ERCC4: variants seen among roughly 807,000 people sequenced by gnomAD.
ERCC4 encodes ERCC excision repair 4, endonuclease catalytic subunit.
In ERCC4, 65 loss-of-function variants were observed where a neutral mutation model predicts 76.9. The observed-to-expected ratio is 0.84, with a 90% CI of 0.69 to 1.04. The LOEUF (loss-of-function observed/expected upper bound fraction) is 1.04, where lower values mean the gene tolerates loss of function less well. ERCC4 is among the 50% of genes least tolerant of loss of function. ERCC4 has a pLI of 0.00. For missense variants in ERCC4, 1,214 were observed against 1,128.2 expected (o/e 1.08, Z -1.09); for synonymous variants, 463 against 410.1 (o/e 1.13, Z -1.56).
intron 2 of ERCC4, 107 bp downstream of exon 2, chr16:13,922,318 A>C (rs2031993954): frequency 1.2e-6 from 1 of 862,134 alleles, no homozygotes; most frequent in South Asian, 1.4e-5. Flanking sequence ...TTCAGTCTTG[A>C]AGGACTCAGC....
At chr16:13,941,668 A>C (rs970812060) in intron 9 of ERCC4, among the ~76,000 whole-genome samples, 2 of 152,216 alleles carry the variant, frequency 1.3e-5, no homozygotes, top group Non-Finnish European at 2.9e-5. Flanking sequence ...TAAATATCAT[A>C]ATAATTTTAT....
chr16:13,932,207 AG>A lies in ERCC4; in HGVS notation c.1027del (p.Val343PhefsTer9), dbSNP rs1567245992. On this transcript the variant is annotated frameshift_variant, in exon 6 of 11. Coordinates refer to ENST00000311895, the MANE Select transcript of ERCC4 (RefSeq NM_005236.3). LOFTEE classifies it high-confidence loss of function. ...STSMFINARA[R>X]VYHLPDAKMS... ...CTCGATGTTTATAAATGCTCGAGCA[AG>A]GGTTTATCATCTTCCAGATGCCAAA... 1 of 1,613,102 alleles carries A rather than the reference AG, an allele frequency of 6.2e-7. No homozygotes were observed. Among genetic ancestry groups the A allele is most frequent in the Non-Finnish European group, 8.5e-7 (1 of 1,179,080 alleles).
In ERCC4 at chr16:13,952,136, T is replaced by C. The variant is rs1215304918; in HGVS notation, c.*3789T>C. ...ATGGGAGTGAGACATAACTGATTTA[T>C]ATGAATTTTAACAGAGTTGTATTTG... is the stretch of plus-strand genomic sequence containing the variant. On this transcript the variant is annotated 3_prime_UTR_variant, in exon 11 of 11. Coordinates refer to ENST00000311895, the MANE Select transcript of ERCC4 (RefSeq NM_005236.3). The C allele has an allele frequency of 5.3e-6, 1 of 189,670 alleles. No individual in the cohort carries two copies. The highest frequency in any genetic ancestry group is 1.1e-5 in the Non-Finnish European group (1 of 90,498). 11.7% of individuals were successfully genotyped at this position (189,670 alleles called of 1,614,324 possible).
intron 8 of ERCC4, among the ~76,000 whole-genome samples, chr16:13,936,061 A>G (rs930124717): frequency 6.6e-6 from 1 of 152,198 alleles, no homozygotes; most frequent in East Asian, 1.9e-4. Context: ...TAATATTCTA[A>G]TTTCTAACAA....
At chr16:13,946,183 C>T (rs2032509220) in intron 10 of ERCC4, among the ~76,000 whole-genome samples, 1 of 152,228 alleles carries the variant, frequency 6.6e-6, no homozygotes, top group Admixed American at 6.5e-5. Flanking sequence ...TCTGAGAATC[C>T]TTCAGCCTAC....
intron 2 of ERCC4, among the ~76,000 whole-genome samples, chr16:13,924,015 A>G (rs2032027674): frequency 6.6e-6 from 1 of 152,184 alleles, no homozygotes; most frequent in Non-Finnish European, 1.5e-5. Flanking sequence ...AAAAATGCCA[A>G]ATTCCCTCCT....
chr16:13,937,149 C>T (rs2032316808), intron 8 of ERCC4, among the ~76,000 whole-genome samples: 1 of 144,440 alleles, frequency 6.9e-6, no homozygotes, highest in African/African-American at 2.6e-5. Context: ...CTTCTGAGCT[C>T]AAATGATCCT....
rs1224624063 is a variant in ERCC4 at position 13,951,767 on chromosome 16, T to TG, written c.*3422dup. On this transcript the variant is annotated 3_prime_UTR_variant, in exon 11 of 11. Transcript: ENST00000311895. Reference sequence around the variant, plus strand: ...TGGGGCAGGGGGAAAGAGGCATTACTGGTCTTTCCTTTTGTTTTGCAAGCA... The same window carrying TG: ...TGGGGCAGGGGGAAAGAGGCATTACTGGGTCTTTCCTTTTGTTTTGCAAGCA... 2 of 222,162 alleles carry TG rather than the reference T, an allele frequency of 9.0e-6. No individual in the cohort carries two copies. Among genetic ancestry groups the TG allele is most frequent in the East Asian group, 1.3e-4 (2 of 15,258 alleles). The allele number at this position is 222,162 out of a possible 1,614,324, so 13.8% of individuals were successfully genotyped here.
intron 2 of ERCC4, 32 bp from the exon 3 acceptor site, chr16:13,926,524 CCTGTT>C: frequency 6.4e-7 from 1 of 1,553,174 alleles, no homozygotes; most frequent in Non-Finnish European, 8.9e-7. Context: ...CAATTACCTA[CCTGTT>C]CTGTAGTTTA....
rs761087753 is a variant in ERCC4 at position 13,947,884 on chromosome 16, C to T, written c.2288C>T (p.Pro763Leu). Residue 763 changes from proline (P) to leucine (L), a missense_variant, in exon 11 of 11, where the codon CCT becomes CTT. Physicochemically the swap from Pro to Leu is moderately conservative, Grantham distance 98 (BLOSUM62 -3). Transcript: ENST00000311895. ...CCCGTGCTTCTGATTGAGTTTGACCCTAGCAAGCCTTTCTCTCTCACTTCC... is the reference window on the plus strand; with the variant it reads ...CCCGTGCTTCTGATTGAGTTTGACCTTAGCAAGCCTTTCTCTCTCACTTCC... Reference protein sequence around the residue: ...KRPVLLIEFDPSKPFSLTSRG... With the variant: ...KRPVLLIEFDLSKPFSLTSRG... The T allele has an allele frequency of 8.1e-6, 13 of 1,614,052 alleles. 1 individual carries two copies. The Admixed American group carries it at 1.2e-4, about 14-fold the overall frequency.
At position 13,920,431 on chromosome 16, in the gene ERCC4, C is replaced by T. The variant is rs2031949863; in HGVS notation, c.207+59C>T. ...CCGAGAGTGTTGAGGGCCTCCTGAG[C>T]GGATGCGAGGCCTCTGACAGGGATG... On this transcript the variant is annotated intron_variant, in intron 1 of 10. Transcript: ENST00000311895. The T allele has an allele frequency of 3.5e-6, 5 of 1,427,012 alleles. No homozygotes were observed. In the South Asian group the frequency reaches 6.1e-5, roughly 17 times the overall value. The allele number at this position is 1,427,012 out of a possible 1,614,324, so 88.4% of individuals were successfully genotyped here.
rs536490011 is a variant in ERCC4, at chr16:13,923,898, G to A, written c.388+1687G>A. ...TTTGTTGTGTTTAAAACTACCACTA[G>A]GTGTCAGTAATATCCTGTGACTTTC... On this transcript the variant is annotated intron_variant, in intron 2 of 10. Transcript: ENST00000311895. 6.6e-5 allele frequency among the ~76,000 whole-genome samples: 10 copies of A among 152,184 alleles called. No individual in the cohort carries two copies. In the South Asian group the frequency reaches 2.1e-3, roughly 32 times the overall value.
rs1349979964 is a variant in ERCC4, at chr16:13,948,940, CTT to C, written c.*595_*596del. ...TCTGGAACACTGAGAAGAAACATCT[CTT>C]TGCCATTCCTGACCAGTTCTCTCTA... On this transcript the variant is annotated 3_prime_UTR_variant, in exon 11 of 11. Coordinates refer to ENST00000311895, the MANE Select transcript of ERCC4 (RefSeq NM_005236.3). 5 of 232,586 alleles carry C rather than the reference CTT, an allele frequency of 2.1e-5. No homozygotes were observed. Among genetic ancestry groups the C allele is most frequent in the Non-Finnish European group, 3.4e-5 (4 of 117,718 alleles). The allele number at this position is 232,586 out of a possible 1,614,324, so 14.4% of individuals were successfully genotyped here.
rs3136153 is a variant in ERCC4, at chr16:13,936,123, T to A, written c.1811+380T>A. ...AGTAATTTTAATCTTCTAAAATATC[T>A]TTCCTATAAATTTTAAGAAATGACT... On this transcript the variant is annotated intron_variant, in intron 8 of 10. Coordinates refer to ENST00000311895, the MANE Select transcript of ERCC4 (RefSeq NM_005236.3). 2.2e-3 allele frequency among the ~76,000 whole-genome samples: 341 copies of A among 152,326 alleles called. 1 individual carries two copies. The highest frequency in any genetic ancestry group is 4.0e-3 in the Non-Finnish European group (271 of 68,024).
rs3136181 is a variant in ERCC4 at position 13,940,318 on chromosome 16, G to A, written c.1904+2460G>A. On this transcript the variant is annotated intron_variant, in intron 9 of 10. Coordinates refer to ENST00000311895, the MANE Select transcript of ERCC4 (RefSeq NM_005236.3). ...GGGAGAATCACTCAAACCCCAGGAG[G>A]TGGAGGTTGCAGTGAGCTTAGATCG... Among the ~76,000 whole-genome samples the A allele has an allele frequency of 1.9e-3, 296 of 152,084 alleles. 1 individual carries two copies. Among genetic ancestry groups the A allele is most frequent in the African/African-American group, 6.6e-3 (272 of 41,480 alleles).
At chr16:13,940,637 G>T (rs961080984) in intron 9 of ERCC4, among the ~76,000 whole-genome samples, 10 of 152,180 alleles carry the variant, frequency 6.6e-5, no homozygotes, top group African/African-American at 2.2e-4. Flanking sequence ...TCCATGGCTG[G>T]CTACAGCTCC....
intron 7 of ERCC4, 172 bp from the exon 8 acceptor site, chr16:13,934,974 A>T: frequency 1.7e-6 from 1 of 599,242 alleles, no homozygotes; most frequent in Admixed American, 2.7e-5. Context: ...CTTGCCAGAG[A>T]GGAGAAAGCA....
At position 13,950,996 on chromosome 16, in the gene ERCC4, A is replaced by T. The variant is rs376328949; in HGVS notation, c.*2649A>T. ...AAGACAGGTGCACTGTCTCGTATGT[A>T]TTTGAATTATGAACAGTAATTTCTA... On this transcript the variant is annotated 3_prime_UTR_variant, in exon 11 of 11. Transcript: ENST00000311895. 5.2e-6 allele frequency: 1 copy of T among 190,554 alleles called. No homozygotes were observed. Among genetic ancestry groups the T allele is most frequent in the Non-Finnish European group, 1.1e-5 (1 of 90,890 alleles). The allele number at this position is 190,554 out of a possible 1,614,324, so 11.8% of individuals were successfully genotyped here.
chr16:13,940,695 A>G (rs911068152), intron 9 of ERCC4, among the ~76,000 whole-genome samples: 1 of 152,212 alleles, frequency 6.6e-6, no homozygotes, highest in Non-Finnish European at 1.5e-5. Context: ...GATAAATCAC[A>G]TCGTCAGCAT....
Sources: gnomAD v4.1 joint callset for allele counts (sites outside exome capture counted in the v4.1 genomes callset) on GRCh38, gnomAD v4.1.1 for gene constraint, MANE v1.5 for transcripts, NCBI Gene and HGNC (gene_info 2026-07-23, HGNC 2026-07-21) for gene names.